The following TNS2 variants were observed in gnomAD, a reference collection of about 807,000 sequenced individuals.
TNS2 encodes tensin-2.
In TNS2, 77 loss-of-function variants were observed where a neutral mutation model predicts 155.7. The observed-to-expected ratio is 0.49, with a 90% CI of 0.41 to 0.60. The LOEUF is 0.60. Among genes scored for constraint, TNS2 ranks in the 20% least tolerant of loss-of-function variants. The pLI is 0.00. For missense variants in TNS2, 1,703 were observed against 1,868.8 expected, an observed-to-expected ratio of 0.91 and a Z score of 1.64; for synonymous variants, 726 against 763.9, an observed-to-expected ratio of 0.95 and a Z score of 0.82.
At chr12:53,048,267 T>TC (rs370359969), upstream of TNS2, among the ~76,000 whole-genome samples, 17 of 152,172 alleles carry the variant, frequency 1.1e-4, no homozygotes, top group Admixed American at 5.2e-4. Context: ...CTTGGGCACC[T>TC]CCTTGCTGGG....
Position 53,058,871 on chromosome 12 carries a change from G to T in TNS2, c.1405+44G>T, listed in dbSNP as rs763152718. ...GGGTGGGAGGTACAGGGTTGTGGCG[G>T]GACCCTGGGGGGTGGTGCCAGGGAG... On this transcript the variant is annotated intron_variant, in intron 17 of 28. Coordinates refer to ENST00000314250, the MANE Select transcript of TNS2 (RefSeq NM_170754.4). 5 of 1,598,296 alleles carry T rather than the reference G, an allele frequency of 3.1e-6. 1 individual carries two copies. The South Asian group carries it at 5.5e-5, about 18-fold the overall frequency.
chr12:53,059,322 A>AAG lies in TNS2; in HGVS notation c.1681_1682insAG (p.Thr561LysfsTer5). The AAG allele has an allele frequency of 7.0e-7, 1 of 1,427,114 alleles. No individual in the cohort carries two copies. Among genetic ancestry groups the AAG allele is most frequent in the South Asian group, 1.7e-5 (1 of 59,466 alleles). The allele number at this position is 1,427,114 out of a possible 1,614,324, so 88.4% of individuals were successfully genotyped here. ...TGGGGGCCGGGGAGCTGGGCGCGAGACGGCCATCCTAGATGACGAAGAGCA... is the reference window on the plus strand; with the variant it reads ...TGGGGGCCGGGGAGCTGGGCGCGAGAAGCGGCCATCCTAGATGACGAAGAGCA... On this transcript the variant is annotated frameshift_variant, in exon 18 of 29. Transcript: ENST00000314250. LOFTEE classifies it high-confidence loss of function. The surrounding 1 kb of genome is among the most constrained non-coding windows in gnomAD (Gnocchi z 4.7).
chr12:53,054,472 A>G (rs1944063048), intron 7 of TNS2, 31 bp downstream of exon 7: 23 of 1,532,412 alleles, frequency 1.5e-5, no homozygotes, highest in Non-Finnish European at 1.9e-5. Flanking sequence ...GAGTCCGCCA[A>G]TGAGAGGGAT....
rs147613740 is a variant in TNS2 at position 53,059,884 on chromosome 12, C to T, written c.2243C>T (p.Pro748Leu). ...LLPACGHHHA[P>L]MPDYSCLKPP... ...CCTGCCTGTGGGCATCACCATGCCC[C>T]GATGCCTGACTACAGCTGCCTGAAG... Residue 748 changes from proline to leucine, a missense_variant, in exon 18 of 29, where the codon CCG (proline) becomes CTG (leucine). Physicochemically the swap from Pro to Leu is moderately conservative, Grantham distance 98 (BLOSUM62 -3). Coordinates refer to ENST00000314250, the MANE Select transcript of TNS2 (RefSeq NM_170754.4). This position sits in a 1 kb window ranked among gnomAD's most constrained non-coding sequence, Gnocchi z 4.7. The T allele has an allele frequency of 6.8e-4, 1,095 of 1,612,990 alleles. 3 individuals carry two copies. Among genetic ancestry groups the T allele is most frequent in the South Asian group, 5.2e-3 (478 of 91,070 alleles).
intron 1 of TNS2, 63 bp from the exon 2 acceptor site, chr12:53,051,792 A>G: frequency 7.6e-7 from 1 of 1,311,176 alleles, no homozygotes. Flanking sequence ...GCTCCTGCCC[A>G]GTCCCGGAGA....
In TNS2 at chr12:53,051,929, G is replaced by T; in HGVS notation, c.150G>T (p.Lys50Asn). The change falls in exon 2 of 29, where the codon AAG (lysine) becomes AAT (asparagine). Residue 50 changes from lysine to asparagine, a missense_variant. Coordinates refer to ENST00000314250, the MANE Select transcript of TNS2 (RefSeq NM_170754.4). ...RKKPPVCAVC[K>N]VTIDGTGVSC... ...AACCTCCAGTCTGTGCAGTATGTAA[G>T]GTGACCATCGATGGGACAGGCGTTT... 1 of 1,613,638 alleles carries T rather than the reference G, an allele frequency of 6.2e-7. No homozygotes were observed. The highest frequency in any genetic ancestry group is 1.1e-5 in the South Asian group (1 of 91,048).
In TNS2 at chr12:53,061,412, A is replaced by C; in HGVS notation, c.3391A>C (p.Lys1131Gln). Residue 1131 changes from lysine (K) to glutamine (Q), a missense_variant, in exon 21 of 29, where the codon AAG becomes CAG. Lys to Gln is a moderately conservative substitution (Grantham distance 53). Transcript: ENST00000314250. ...TACACAAGAGAGCCAAAGCAATGTC[A>C]AGTTTGTCCAGGATACATCCAAGTT... ...PPTQESQSNV[K>Q]FVQDTSKFWY... 1.2e-6 allele frequency: 2 copies of C among 1,613,944 alleles called. No individual in the cohort carries two copies. Among genetic ancestry groups the C allele is most frequent in the South Asian group, 1.1e-5 (1 of 91,082 alleles).
At chr12:53,047,831 C>A (rs12303890), upstream of TNS2, among the ~76,000 whole-genome samples, 51,157 of 152,022 alleles carry the variant, frequency 0.34, 9,923 homozygotes, top group East Asian at 0.73. Context: ...CTCCAGTCTG[C>A]CCCCATCCTC....
At position 53,060,740 on chromosome 12, in the gene TNS2, C is replaced by A; in HGVS notation, c.2834C>A (p.Ala945Asp). The change falls in exon 20 of 29, where the codon GCC becomes GAC. Residue 945 changes from alanine to aspartate, a missense_variant. Transcript: ENST00000314250. This position sits in a 1 kb window ranked among gnomAD's most constrained non-coding sequence, Gnocchi z 6.1. ...ACTCAGAGACTGAGTCCTGGCGAGG[C>A]CTTGCCCCCTGTTTCCCAGGCAGGC... The part of the protein sequence containing the change: ...APTQRLSPGE[A>D]LPPVSQAGTG... The A allele has an allele frequency of 6.2e-7, 1 of 1,609,856 alleles. No individual in the cohort carries two copies. Among genetic ancestry groups the A allele is most frequent in the Non-Finnish European group, 8.5e-7 (1 of 1,177,548 alleles).
chr12:53,058,163 C>T lies in TNS2; in HGVS notation c.1095+61C>T, dbSNP rs549533146. ...GATGGGGCAGGGGTTGGTGGTGTAACGGCACAGTCACCAATTTGAGACAGA... is the reference window on the plus strand; with the variant it reads ...GATGGGGCAGGGGTTGGTGGTGTAATGGCACAGTCACCAATTTGAGACAGA... On this transcript the variant is annotated intron_variant, in intron 14 of 28. Transcript: ENST00000314250. The T allele has an allele frequency of 6.3e-5, 102 of 1,612,058 alleles. No individual in the cohort carries two copies. In the South Asian group the frequency reaches 8.6e-4, roughly 14 times the overall value.
At position 53,059,646 on chromosome 12, in the gene TNS2, C is replaced by T. The variant is rs370508882; in HGVS notation, c.2005C>T (p.Arg669Cys). 99 of 1,613,294 alleles carry T rather than the reference C, an allele frequency of 6.1e-5. No individual in the cohort carries two copies. Among genetic ancestry groups the T allele is most frequent in the Non-Finnish European group, 7.5e-5 (88 of 1,179,886 alleles). The change falls in exon 18 of 29, where the codon CGC becomes TGC. Residue 669 changes from arginine to cysteine, a missense_variant. Transcript: ENST00000314250. This position sits in a 1 kb window ranked among gnomAD's most constrained non-coding sequence, Gnocchi z 4.7. The stretch of plus-strand genomic sequence containing the variant: ...ACCAGCCACTGGGGACTTTGGCTAC[C>T]GCGCCCCAGGCTACCGGGAGGTGGT... The part of the protein sequence containing the change: ...GKPATGDFGY[R>C]APGYREVVIL...
chr12:53,063,604 C>A lies in TNS2; in HGVS notation c.4091+12C>A, dbSNP rs745596220. 1 of 1,614,192 alleles carries A rather than the reference C, an allele frequency of 6.2e-7. No homozygotes were observed. Among genetic ancestry groups the A allele is most frequent in the Non-Finnish European group, 8.5e-7 (1 of 1,180,034 alleles). Reference sequence around the variant, plus strand: ...GGGACCACCTCCAAGTAAGCCTCCCCACGAATTCAGCCTCTTCCTTCCAAG... The same window carrying A: ...GGGACCACCTCCAAGTAAGCCTCCCAACGAATTCAGCCTCTTCCTTCCAAG... On this transcript the variant is annotated intron_variant, in intron 28 of 28. Transcript: ENST00000314250. The surrounding 1 kb of genome is among the most constrained non-coding windows in gnomAD (Gnocchi z 5.6).
At position 53,063,600 on chromosome 12, in the gene TNS2, T is replaced by A. The variant is rs781504123; in HGVS notation, c.4091+8T>A. On this transcript the variant is annotated splice_region_variant and intron_variant, in intron 28 of 28. Transcript: ENST00000314250. This position sits in a 1 kb window ranked among gnomAD's most constrained non-coding sequence, Gnocchi z 5.6. ...AGACGGGACCACCTCCAAGTAAGCC[T>A]CCCCACGAATTCAGCCTCTTCCTTC... The A allele has an allele frequency of 1.2e-6, 2 of 1,612,992 alleles. No homozygotes were observed. Among genetic ancestry groups the A allele is most frequent in the South Asian group, 2.2e-5 (2 of 90,988 alleles).
chr12:53,057,195 G>C, intron 11 of TNS2, 99 bp downstream of exon 11: 1 of 1,315,448 alleles, frequency 7.6e-7, no homozygotes, highest in Admixed American at 2.0e-5. Context: ...CACTGAGTGT[G>C]CCAAGCGCCG....
At position 53,061,810 on chromosome 12, in the gene TNS2, T is replaced by C; in HGVS notation, c.3449-5T>C. 2.5e-6 allele frequency: 4 copies of C among 1,611,146 alleles called. No homozygotes were observed. Among genetic ancestry groups the C allele is most frequent in the Non-Finnish European group, 3.4e-6 (4 of 1,178,524 alleles). ...CCCCACTGCCCGCTACCCCTCACCC[T>C]GCAGCCATTGCCCTGCTGAAGGACA... is the stretch of plus-strand genomic sequence containing the variant. On this transcript the variant is annotated splice_region_variant and splice_polypyrimidine_tract_variant and intron_variant, in intron 21 of 28. Transcript: ENST00000314250.
chr12:53,061,044 A>G lies in TNS2; in HGVS notation c.3138A>G (p.Pro1046=), dbSNP rs754393106. Reference sequence around the variant, plus strand: ...AGATGCCCTGGCTTGTGGCCAGCCCAGAGCCGCCTCAGAGCTCACCTACAC... The same window carrying G: ...AGATGCCCTGGCTTGTGGCCAGCCCGGAGCCGCCTCAGAGCTCACCTACAC... ...PSQMPWLVAS[P]EPPQSSPTPA... is the part of the protein sequence containing the mutation. The change falls in exon 20 of 29, where the codon CCA becomes CCG. Residue 1046 remains proline (P), a synonymous_variant. Coordinates refer to ENST00000314250, the MANE Select transcript of TNS2 (RefSeq NM_170754.4). The G allele has an allele frequency of 1.4e-5, 22 of 1,613,496 alleles. No homozygotes were observed. Among genetic ancestry groups the G allele is most frequent in the Non-Finnish European group, 1.9e-5 (22 of 1,179,886 alleles).
chr12:53,051,998 C>T (rs1434170249), intron 2 of TNS2, 35 bp downstream of exon 2: 20 of 1,524,806 alleles, frequency 1.3e-5, no homozygotes, highest in Admixed American at 3.5e-5. Context: ...TGAGACCCTC[C>T]ACCCAGTACC....
intron 21 of TNS2, 83 bp downstream of exon 21, chr12:53,061,552 C>A: frequency 6.8e-7 from 1 of 1,465,924 alleles, no homozygotes; most frequent in Non-Finnish European, 9.5e-7. Context: ...CCTGTTGAAG[C>A]TCTTGGCTCC....
At chr12:53,062,269 G>T (rs1213119373) in intron 23 of TNS2, 24 bp downstream of exon 23, 1 of 1,613,528 alleles carries the variant, frequency 6.2e-7, no homozygotes, top group Non-Finnish European at 8.5e-7. Context: ...GCCTGGGGAA[G>T]GCTACGTTGG....
Sources: allele counts gnomAD v4.1 joint callset (sites outside exome capture counted in the v4.1 genomes callset), GRCh38; gene constraint gnomAD v4.1.1; non-coding constraint Gnocchi (gnomAD v3.1); transcripts MANE v1.5; gene names NCBI Gene and HGNC (gene_info 2026-07-23, HGNC 2026-07-21).